Variants in MAD1L1 observed in about 807,000 individuals in gnomAD.
MAD1L1 encodes mitotic spindle assembly checkpoint protein MAD1.
A neutral mutation model predicts 96.9 loss-of-function variants in MAD1L1; 95 were observed. The observed-to-expected ratio is 0.98, with a 90% CI of 0.83 to 1.16. MAD1L1 has a LOEUF of 1.16. Among genes scored for constraint, MAD1L1 ranks in the 50% most tolerant of loss-of-function variants. The pLI is 0.00. For synonymous variants in MAD1L1, 473 were observed against 396.6 expected, an observed-to-expected ratio of 1.19 and a Z score of -2.29; for missense variants, 1,007 against 954.4, an observed-to-expected ratio of 1.06 and a Z score of -0.73.
chr7:2,067,419 C>G (rs554299492), intron 12 of MAD1L1, among the ~76,000 whole-genome samples: 4 of 152,198 alleles, frequency 2.6e-5, no homozygotes, highest in Non-Finnish European at 2.9e-5. Context: ...TCTTCCTCCC[C>G]CAGGAAGCTC....
In MAD1L1 at chr7:2,088,264, T is replaced by C. The variant is rs1371176142; in HGVS notation, c.1074-18926A>G. ...CCTGCCTGAAACCTGCCGACGGGCC[T>C]GTTGCCGCTGGAACACAATCCAGGC... On this transcript the variant is annotated intron_variant, in intron 11 of 18. Coordinates refer to ENST00000265854, the MANE Select transcript of MAD1L1 (RefSeq NM_001013836.2). The surrounding 1 kb of genome is among the most constrained non-coding windows in gnomAD (Gnocchi z 4.4). Among the ~76,000 whole-genome samples, 2 of 152,330 alleles carry C rather than the reference T, an allele frequency of 1.3e-5. No individual in the cohort carries two copies. Among genetic ancestry groups the C allele is most frequent in the East Asian group, 3.9e-4 (2 of 5,182 alleles).
chr7:1,980,860 C>T (rs1231942530), intron 14 of MAD1L1: 3 of 449,748 alleles, frequency 6.7e-6, no homozygotes, highest in Non-Finnish European at 4.3e-6. Context: ...CACGCTCCAA[C>T]GCTGCCGTCG....
At chr7:1,923,002 T>G (rs73290508) in intron 17 of MAD1L1, among the ~76,000 whole-genome samples, 6,262 of 152,290 alleles carry the variant, frequency 0.041, 283 homozygotes, top group African/African-American at 0.1. Context: ...CCACTGGTTT[T>G]GAAGTTGGGG....
At chr7:2,110,011 C>T (rs1787296489) in intron 11 of MAD1L1, among the ~76,000 whole-genome samples, 2 of 152,364 alleles carry the variant, frequency 1.3e-5, no homozygotes, top group South Asian at 4.1e-4. Flanking sequence ...GACCCAGCTG[C>T]GCAGGCCGGA....
intron 11 of MAD1L1, among the ~76,000 whole-genome samples, chr7:2,105,032 A>C (rs1233670246): frequency 6.6e-6 from 1 of 152,030 alleles, no homozygotes; most frequent in Non-Finnish European, 1.5e-5. Context: ...GGGCTGACCC[A>C]CCCAGTCAGA....
chr7:1,928,633 C>A (rs1213569424), intron 17 of MAD1L1, among the ~76,000 whole-genome samples: 1 of 152,244 alleles, frequency 6.6e-6, no homozygotes, highest in Non-Finnish European at 1.5e-5. Context: ...CCGAACAGGG[C>A]TGGAGCCCCT....
rs1562425913 is a variant in MAD1L1 at position 1,822,444 on chromosome 7, T to TATATATA, written c.1999-6217_1999-6216insTATATAT. ...CAAACCTCAGCATATATATATATAT[T>TATATATA]TTTTTTTTTTTTTTGGAAAGAGGGT... On this transcript the variant is annotated intron_variant, in intron 18 of 18. Transcript: ENST00000265854. 5.0e-3 allele frequency among the ~76,000 whole-genome samples: 431 copies of TATATATA among 86,946 alleles called. 3 individuals carry two copies. Among genetic ancestry groups the TATATATA allele is most frequent in the African/African-American group, 5.3e-3 (144 of 27,358 alleles). The allele number at this position is 86,946 out of a possible 152,430, so 57.0% of individuals were successfully genotyped here. A position where few individuals can be genotyped will look rare whatever the true frequency, so the allele number is the denominator to read the frequency against.
At chr7:1,940,262 CT>C (rs1778887564) in intron 16 of MAD1L1, 1 of 152,272 alleles carries the variant, frequency 6.6e-6, no homozygotes, top group Non-Finnish European at 1.5e-5. Flanking sequence ...AGCCCTGCCG[CT>C]GGGCCGGGGC....
intron 16 of MAD1L1, among the ~76,000 whole-genome samples, chr7:1,953,107 G>A (rs1439896201): frequency 6.6e-6 from 1 of 152,172 alleles, no homozygotes; most frequent in Non-Finnish European, 1.5e-5. Flanking sequence ...ATCTCAGGGA[G>A]GGGGTGAGGA....
At chr7:2,102,309 G>GTCACCA (rs1786838887) in intron 11 of MAD1L1, among the ~76,000 whole-genome samples, 1 of 131,706 alleles carries the variant, frequency 7.6e-6, no homozygotes, top group Non-Finnish European at 1.6e-5. Context: ...CATCACCACC[G>GTCACCA]TCACCATCAC....
At chr7:2,091,733 G>T (rs369998702) in intron 11 of MAD1L1, among the ~76,000 whole-genome samples, 12 of 149,850 alleles carry the variant, frequency 8.0e-5, no homozygotes, top group African/African-American at 2.9e-4. Flanking sequence ...CAGAGATCAC[G>T]CCACTGCACT....
rs879707801 is a variant in MAD1L1 at position 2,088,173 on chromosome 7, T to C, written c.1074-18835A>G. ...GCCCACGTGCATGGCCACAGAACAG[T>C]GGACGAGGTCGGGCAGCAAAGCGAC... On this transcript the variant is annotated intron_variant, in intron 11 of 18. Coordinates refer to ENST00000265854, the MANE Select transcript of MAD1L1 (RefSeq NM_001013836.2). The surrounding 1 kb of genome is among the most constrained non-coding windows in gnomAD (Gnocchi z 4.4). Among the ~76,000 whole-genome samples the C allele has an allele frequency of 1.6e-4, 25 of 152,172 alleles. No homozygotes were observed. Among genetic ancestry groups the C allele is most frequent in the Non-Finnish European group, 2.9e-4 (20 of 68,020 alleles).
intron 14 of MAD1L1, among the ~76,000 whole-genome samples, chr7:1,996,565 G>C (rs931244207): frequency 2.6e-5 from 4 of 152,232 alleles, no homozygotes; most frequent in African/African-American, 9.6e-5. Flanking sequence ...CCTGCCGCTA[G>C]GCCCGACTCA....
At chr7:2,189,836 A>C (rs919904436) in intron 10 of MAD1L1, among the ~76,000 whole-genome samples, 2 of 152,230 alleles carry the variant, frequency 1.3e-5, no homozygotes, top group Non-Finnish European at 2.9e-5. Flanking sequence ...CGGGGAAAAG[A>C]AAAGCATCCT....
intron 12 of MAD1L1, among the ~76,000 whole-genome samples, chr7:2,027,339 T>C (rs766183696): frequency 3.3e-5 from 5 of 152,124 alleles, no homozygotes; most frequent in Non-Finnish European, 5.9e-5. Context: ...AGAAGACAAC[T>C]TGCTAATATT....
At chr7:2,156,645 C>T (rs932627654) in intron 10 of MAD1L1, among the ~76,000 whole-genome samples, 9 of 152,086 alleles carry the variant, frequency 5.9e-5, no homozygotes, top group African/African-American at 2.2e-4. Context: ...CATGGTGAAA[C>T]CCCGTCTCTA....
At chr7:1,829,227 G>C (rs1583489787) in intron 18 of MAD1L1, among the ~76,000 whole-genome samples, 1 of 152,232 alleles carries the variant, frequency 6.6e-6, no homozygotes, top group East Asian at 1.9e-4. Flanking sequence ...ATCAGCGCCA[G>C]CCCTTCAGCG....
chr7:2,166,915 G>T (rs553919810), intron 10 of MAD1L1, among the ~76,000 whole-genome samples: 2 of 152,324 alleles, frequency 1.3e-5, no homozygotes, highest in East Asian at 3.9e-4. Flanking sequence ...GGCGCACTCC[G>T]CTCACAAAGC....
intron 12 of MAD1L1, among the ~76,000 whole-genome samples, chr7:2,068,986 G>A (rs1785003460): frequency 6.6e-6 from 1 of 152,114 alleles, no homozygotes; most frequent in South Asian, 2.1e-4. Flanking sequence ...AAAGGGTGGG[G>A]CACGCAGCAG....
Sources: gnomAD v4.1 joint callset for allele counts (sites outside exome capture counted in the v4.1 genomes callset) on GRCh38, gnomAD v4.1.1 for gene constraint, Gnocchi (gnomAD v3.1) non-coding constraint, MANE v1.5 for transcripts, NCBI Gene and HGNC (gene_info 2026-07-23, HGNC 2026-07-21) for gene names.